The following ZC3H12B variants were observed in gnomAD, a reference collection of about 807,000 sequenced individuals.
The protein encoded by ZC3H12B is zinc finger CCCH-type containing 12B, also known as probable ribonuclease ZC3H12B.
Under a neutral mutation model 43.9 loss-of-function variants are expected in ZC3H12B, and 7 were observed. The observed-to-expected ratio is 0.16, with a 90% confidence interval of 0.09 to 0.30. The LOEUF (loss-of-function observed/expected upper bound fraction) is 0.30. ZC3H12B is among the 10% of genes least tolerant of loss of function. The pLI is 1.00. For synonymous variants in ZC3H12B, 222 were observed against 241.7 expected (o/e 0.92, Z 0.76); for missense variants, 475 against 670.2 (o/e 0.71, Z 3.22).
At chrX:65,424,899 G>A (rs773813499) in intron 3 of ZC3H12B, among the ~76,000 whole-genome samples, 31 of 111,730 alleles carry the variant, frequency 2.8e-4, no homozygotes, top group African/African-American at 5.5e-4. Flanking sequence ...TGGGTAGTGT[G>A]ATGACCCCAG....
At chrX:65,404,080 A>T (rs1378711941) in intron 3 of ZC3H12B, among the ~76,000 whole-genome samples, 1 of 112,186 alleles carries the variant, frequency 8.9e-6, no homozygotes, top group Non-Finnish European at 1.9e-5. Context: ...CAAAAAAGTT[A>T]AAAAACTTGA....
Position 65,430,442 on chromosome X carries a change from C to T in ZC3H12B, n.407+31738C>T, listed in dbSNP as rs768324613. 6.6e-5 allele frequency among the ~76,000 whole-genome samples: 7 copies of T among 106,679 alleles called. 1 individual carries two copies. Among genetic ancestry groups the T allele is most frequent in the African/African-American group, 1.4e-4 (4 of 29,289 alleles). 92.6% of individuals were successfully genotyped at this position (106,679 alleles called of 115,157 possible). A position where few individuals can be genotyped will look rare whatever the true frequency, so the allele number is the denominator to read the frequency against. ...ATGTGTCATGTTGGTGTGCTGCACC[C>T]GTTAACTCGTCATTTACATTAGTTA... On this transcript the variant is annotated intron_variant and non_coding_transcript_variant, in intron 3 of 5. Transcript: ENST00000617377.
the ZC3H12B span, among the ~76,000 whole-genome samples, chrX:65,187,655 CT>C: frequency 2.8e-3 from 265 of 95,978 alleles, no homozygotes; most frequent in Admixed American, 3.1e-3. Flanking sequence ...ATTGATTTTA[CT>C]TTTTTTTTTT....
At chrX:65,100,578 A>AC in the ZC3H12B span, among the ~76,000 whole-genome samples, 58 of 99,951 alleles carry the variant, frequency 5.8e-4, 1 homozygote, top group East Asian at 0.016. Flanking sequence ...AAAAAAAAAA[A>AC]AAAAAAAAAA....
At chrX:65,248,064 G>A in the ZC3H12B span, among the ~76,000 whole-genome samples, 1 of 110,471 alleles carries the variant, frequency 9.1e-6, no homozygotes, top group Non-Finnish European at 1.9e-5. Flanking sequence ...TTTTTTTGTG[G>A]TGGAGTCTCG....
At chrX:65,323,239 G>C in the ZC3H12B span, among the ~76,000 whole-genome samples, 1 of 111,956 alleles carries the variant, frequency 8.9e-6, no homozygotes, top group Non-Finnish European at 1.9e-5. Flanking sequence ...TTAGATAAAA[G>C]GGTTTTAATT....
chrX:65,091,975 C>T, the ZC3H12B span, among the ~76,000 whole-genome samples: 1 of 111,760 alleles, frequency 8.9e-6, no homozygotes, highest in East Asian at 2.8e-4. Context: ...GTGATTAGAT[C>T]ATGGGGGTGA....
intron 3 of ZC3H12B, among the ~76,000 whole-genome samples, chrX:65,474,852 C>A (rs1029340399): frequency 2.7e-5 from 3 of 112,401 alleles, no homozygotes; most frequent in African/African-American, 9.7e-5. Flanking sequence ...GGTGATCCGC[C>A]TGCCTTGGCA....
At chrX:65,068,315 A>G in the ZC3H12B span, among the ~76,000 whole-genome samples, 80 of 109,932 alleles carry the variant, frequency 7.3e-4, 1 homozygote, top group Non-Finnish European at 1.2e-3. Flanking sequence ...GTCTTCGTTT[A>G]GTGAAGGTTC....
At chrX:65,349,063 A>G in the ZC3H12B span, among the ~76,000 whole-genome samples, 1 of 112,032 alleles carries the variant, frequency 8.9e-6, no homozygotes, top group African/African-American at 3.2e-5. Flanking sequence ...TCAACAGAAT[A>G]TACAATCTTC....
At chrX:65,377,790 G>T (rs760711174) in intron 2 of ZC3H12B, among the ~76,000 whole-genome samples, 1 of 111,616 alleles carries the variant, frequency 9.0e-6, no homozygotes, top group African/African-American at 3.3e-5. Context: ...AAGAAAGTAC[G>T]TTAGTGAGCA....
At chrX:65,491,120 G>A (rs1275332110) in intron 1 of ZC3H12B, among the ~76,000 whole-genome samples, 1 of 112,249 alleles carries the variant, frequency 8.9e-6, no homozygotes, top group African/African-American at 3.2e-5. Flanking sequence ...AAGTAGTAAA[G>A]TGAGAACTCG....
At chrX:65,103,130 G>C in the ZC3H12B span, among the ~76,000 whole-genome samples, 1 of 111,297 alleles carries the variant, frequency 9.0e-6, no homozygotes, top group African/African-American at 3.3e-5. Flanking sequence ...TAATAGGCCT[G>C]GGAGCACTAT....
the ZC3H12B span, among the ~76,000 whole-genome samples, chrX:65,358,489 GACCACAGTGCAATCAA>G: frequency 8.9e-6 from 1 of 111,735 alleles, no homozygotes; most frequent in Non-Finnish European, 1.9e-5. Flanking sequence ...CAGTCTCTCG[GACCACAGTGCAATCAA>G]ATCAGAACTC....
the ZC3H12B span, among the ~76,000 whole-genome samples, chrX:65,048,283 A>G: frequency 1.8e-5 from 2 of 111,515 alleles, no homozygotes; most frequent in African/African-American, 6.5e-5. Context: ...TATTATGCAC[A>G]TATGCCACAT....
At chrX:65,497,190 C>G (rs1279604180) in exon 2 of ZC3H12B, 1 of 1,209,149 alleles carries the variant, frequency 8.3e-7, no homozygotes, top group Non-Finnish European at 1.1e-6. Flanking sequence ...GGATTGGTTT[C>G]TAGATAAAGG....
the ZC3H12B span, among the ~76,000 whole-genome samples, chrX:65,164,763 G>T: frequency 9.0e-6 from 1 of 111,612 alleles, no homozygotes; most frequent in Non-Finnish European, 1.9e-5. Context: ...TTGTTGGTCT[G>T]GCTTATGTAC....
the ZC3H12B span, among the ~76,000 whole-genome samples, chrX:65,284,277 C>T: frequency 4.0e-5 from 4 of 99,954 alleles, no homozygotes; most frequent in Non-Finnish European, 8.0e-5. Flanking sequence ...CACGAAAAAG[C>T]AAGGAAATAT....
chrX:65,444,855 A>G (rs1171892528), intron 3 of ZC3H12B, among the ~76,000 whole-genome samples: 1 of 111,632 alleles, frequency 9.0e-6, no homozygotes, highest in Non-Finnish European at 1.9e-5. Context: ...TTTTGAGGCT[A>G]TCTTCTATAT....
Sources: allele counts gnomAD v4.1 joint callset (sites outside exome capture counted in the v4.1 genomes callset), GRCh38; gene constraint gnomAD v4.1.1; transcripts MANE v1.5; gene names NCBI Gene and HGNC (gene_info 2026-07-23, HGNC 2026-07-21).